AP3D1: variants seen among roughly 807,000 people sequenced by gnomAD.
AP3D1 encodes the protein adaptor related protein complex 3 subunit delta 1, also known as AP-3 complex subunit delta-1.
AP3D1 carries 51 observed loss-of-function variants against 147.6 expected under a neutral mutation model. That is an observed-to-expected ratio of 0.35 (90% CI 0.28 to 0.44). AP3D1 has a LOEUF of 0.44. Ranked by LOEUF, AP3D1 falls within the 20% of genes least tolerant of loss-of-function variation. The pLI is 1.00. For missense variants in AP3D1, 1,421 were observed against 1,624.2 expected, an observed-to-expected ratio of 0.87 and a Z score of 2.15; for synonymous variants, 760 against 663.0, an observed-to-expected ratio of 1.15 and a Z score of -2.25.
At chr19:2,124,999 G>C (rs895020869) in intron 9 of AP3D1, among the ~76,000 whole-genome samples, 5 of 152,198 alleles carry the variant, frequency 3.3e-5, no homozygotes, top group Non-Finnish European at 7.3e-5. Context: ...TGGGAGGTGG[G>C]GGGTGAGGGA....
chr19:2,110,228 G>A lies in AP3D1; in HGVS notation c.3176-4C>T. The A allele has an allele frequency of 2.5e-6, 4 of 1,611,234 alleles. No individual in the cohort carries two copies. The highest frequency in any genetic ancestry group is 3.4e-6 in the Non-Finnish European group (4 of 1,179,882). On this transcript the variant is annotated splice_polypyrimidine_tract_variant and splice_region_variant and intron_variant, in intron 27 of 31. Transcript: ENST00000643116. Reference sequence around the variant, plus strand: ...TACTGGGCTTCGTTGGAGACGCCTGGCGGGGGCGAGAGGGAGTGGGGCCTG... The same window carrying A: ...TACTGGGCTTCGTTGGAGACGCCTGACGGGGGCGAGAGGGAGTGGGGCCTG...
intron 1 of AP3D1, among the ~76,000 whole-genome samples, chr19:2,149,631 C>T (rs1417927294): frequency 6.6e-6 from 1 of 151,894 alleles, no homozygotes; most frequent in Middle Eastern, 3.2e-3. Context: ...CACACCAATT[C>T]CAAAGGAAGA....
At chr19:2,107,040 G>C (rs2144998186) in intron 31 of AP3D1, among the ~76,000 whole-genome samples, 1 of 152,234 alleles carries the variant, frequency 6.6e-6, no homozygotes, top group Middle Eastern at 3.4e-3. Flanking sequence ...GAGGCAGACA[G>C]ATCATGAGGT....
chr19:2,113,165 C>G (rs990058301), intron 23 of AP3D1, 171 bp downstream of exon 23: 30 of 625,298 alleles, frequency 4.8e-5, no homozygotes, highest in Non-Finnish European at 8.1e-5. Context: ...CCTGCTTGGC[C>G]CACTGGGACC....
chr19:2,116,516 G>GGACCCA, intron 17 of AP3D1, 89 bp downstream of exon 17: 1 of 1,445,750 alleles, frequency 6.9e-7, no homozygotes, highest in Non-Finnish European at 9.1e-7. Context: ...GTCAGGGCCA[G>GGACCCA]GACCCACAGA....
intron 20 of AP3D1, among the ~76,000 whole-genome samples, 193 bp downstream of exon 20, chr19:2,115,026 G>A (rs988590164): frequency 6.6e-6 from 1 of 152,198 alleles, no homozygotes; most frequent in Non-Finnish European, 1.5e-5. Flanking sequence ...TGCCTCTGAA[G>A]CTGCTGGCCC....
chr19:2,154,338 G>A (rs1295056553), upstream of AP3D1, among the ~76,000 whole-genome samples: 1 of 148,778 alleles, frequency 6.7e-6, no homozygotes, highest in Non-Finnish European at 1.5e-5. Context: ...GGAGTGCAGT[G>A]GCTCAATCTT....
chr19:2,123,791 G>T, intron 10 of AP3D1, 39 bp downstream of exon 10: 10 of 1,552,098 alleles, frequency 6.4e-6, no homozygotes, highest in Non-Finnish European at 8.7e-6. Flanking sequence ...GGCCTCTGCA[G>T]TGTGGGACCC....
chr19:2,103,655 C>A (rs1599432527), intron 31 of AP3D1, among the ~76,000 whole-genome samples: 1 of 152,154 alleles, frequency 6.6e-6, no homozygotes, highest in Admixed American at 6.5e-5. Context: ...AGAGGCTGGG[C>A]AGGTGGTGGT....
chr19:2,115,689 G>A, intron 18 of AP3D1, 76 bp from the exon 19 acceptor site: 1 of 1,459,408 alleles, frequency 6.9e-7, no homozygotes, highest in Non-Finnish European at 9.3e-7. Context: ...GGGGATGCAG[G>A]GAGCGTGACG....
At chr19:2,113,849 C>T (rs2018357174) in intron 22 of AP3D1, among the ~76,000 whole-genome samples, 1 of 152,240 alleles carries the variant, frequency 6.6e-6, no homozygotes, top group Non-Finnish European at 1.5e-5. Context: ...GCATCTGGAC[C>T]ACGCCGAGCT....
rs1568274927 is a variant in AP3D1, at chr19:2,109,100, T to C, written c.3458A>G (p.His1153Arg). 6.2e-7 allele frequency: 1 copy of C among 1,607,920 alleles called. No individual in the cohort carries two copies. Among genetic ancestry groups the C allele is most frequent in the African/African-American group, 1.3e-5 (1 of 74,478 alleles). The change falls in exon 30 of 32, where the codon CAC (histidine) becomes CGC (arginine). Residue 1153 changes from histidine to arginine, a missense_variant. By Grantham distance (29) the His-to-Arg change is conservative (BLOSUM62 0). Around this residue, in one of 6 missense-constraint regions of AP3D1, gnomAD observed 791 missense variants for 761.4 expected, o/e 1.04. Transcript: ENST00000643116. ...ACTCTCCTTACCGGAAAAATGGTGG[T>C]GAAAACAGATCTTCGCCAGAAGATT... The part of the protein sequence containing the change: ...FQNLLAKICF[H>R]HHFSVVERVD...
chr19:2,153,444 G>A (rs2019616257), upstream of AP3D1, among the ~76,000 whole-genome samples: 1 of 150,668 alleles, frequency 6.6e-6, no homozygotes, highest in Admixed American at 6.6e-5. Context: ...GGGAGGCCGA[G>A]GAGGACAGAT....
intron 20 of AP3D1, 94 bp downstream of exon 20, chr19:2,115,125 G>C (rs527837380): frequency 3.0e-6 from 4 of 1,339,868 alleles, no homozygotes; most frequent in Admixed American, 2.0e-5. Context: ...AGCCACCAAC[G>C]AAGACCATGG....
intron 31 of AP3D1, among the ~76,000 whole-genome samples, chr19:2,103,522 C>T (rs1456032979): frequency 3.3e-5 from 5 of 152,214 alleles, no homozygotes; most frequent in African/African-American, 9.6e-5. Context: ...CCCCGTGAAG[C>T]TGCTCACGAT....
chr19:2,161,346 G>C (rs1350983432), intron 1 of AP3D1, among the ~76,000 whole-genome samples: 1 of 151,766 alleles, frequency 6.6e-6, no homozygotes, highest in Non-Finnish European at 1.5e-5. Flanking sequence ...ACTTTTAGTA[G>C]AGACGGGGTT....
chr19:2,126,960 C>T (rs913547192), intron 9 of AP3D1, among the ~76,000 whole-genome samples, 192 bp downstream of exon 9: 5 of 152,156 alleles, frequency 3.3e-5, no homozygotes, highest in African/African-American at 1.2e-4. Context: ...ACCAGGCAGA[C>T]GCATGGCCAC....
At chr19:2,112,029 G>A (rs1309523977) in intron 24 of AP3D1, 3 of 817,844 alleles carry the variant, frequency 3.7e-6, no homozygotes, top group Non-Finnish European at 5.6e-6. Flanking sequence ...GCCGTCTCTG[G>A]TTGGCGGCAA....
chr19:2,160,039 C>T (rs1382436229), intron 1 of AP3D1, among the ~76,000 whole-genome samples: 2 of 151,568 alleles, frequency 1.3e-5, no homozygotes, highest in African/African-American at 4.9e-5. Flanking sequence ...TTAGTAGAGA[C>T]GGGGTTTCAC....
Sources: allele counts gnomAD v4.1 joint callset (sites outside exome capture counted in the v4.1 genomes callset), GRCh38; gene constraint gnomAD v4.1.1; regional missense constraint gnomAD v4.1.1; transcripts MANE v1.5; gene names NCBI Gene and HGNC (gene_info 2026-07-23, HGNC 2026-07-21).